ARG2: variants seen among roughly 807,000 people sequenced by gnomAD.
ARG2 encodes the protein arginase 2.
In ARG2, 21 loss-of-function variants were observed where a neutral mutation model predicts 39.4. That is an observed-to-expected ratio of 0.53 (90% confidence interval 0.38 to 0.77). ARG2 has a LOEUF of 0.77. Ranked by LOEUF, ARG2 falls within the 30% of genes least tolerant of loss-of-function variation. ARG2 has a pLI of 0.00. For synonymous variants in ARG2, 150 were observed against 156.7 expected, an observed-to-expected ratio of 0.96 and a Z score of 0.32; for missense variants, 378 against 426.2, an observed-to-expected ratio of 0.89 and a Z score of 1.00.
At position 67,651,322 on chromosome 14, in the gene ARG2, A is replaced by T. The variant is rs769859693; in HGVS notation, c.*402A>T. ...GCAGCAATATGCTTATTCTATCCAC[A>T]TCCCTAACATCATGCATTCACAAGG... is the stretch of plus-strand genomic sequence containing the variant. On this transcript the variant is annotated 3_prime_UTR_variant, in exon 8 of 8. Coordinates refer to ENST00000261783, the MANE Select transcript of ARG2 (RefSeq NM_001172.4). 5.6e-6 allele frequency: 9 copies of T among 1,610,484 alleles called. No individual in the cohort carries two copies. Among genetic ancestry groups the T allele is most frequent in the Non-Finnish European group, 7.6e-6 (9 of 1,177,946 alleles).
At chr14:67,648,227 A>G in intron 7 of ARG2, 44 bp downstream of exon 7, 1 of 1,583,764 alleles carries the variant, frequency 6.3e-7, no homozygotes, top group Non-Finnish European at 8.6e-7. Context: ...ACATAGGTAA[A>G]TATGCTAGAG....
intron 2 of ARG2, among the ~76,000 whole-genome samples, chr14:67,622,249 T>C (rs1165647807): frequency 2.6e-5 from 4 of 152,236 alleles, no homozygotes; most frequent in Non-Finnish European, 5.9e-5. Flanking sequence ...GCACGGAGAT[T>C]ATGGAGATAA....
chr14:67,627,442 C>A (rs2036878897), intron 2 of ARG2, among the ~76,000 whole-genome samples: 1 of 151,842 alleles, frequency 6.6e-6, no homozygotes, highest in Admixed American at 6.6e-5. Context: ...TGATAGATAT[C>A]CATCTTTTCA....
At chr14:67,625,859 CA>C (rs974464469) in intron 2 of ARG2, among the ~76,000 whole-genome samples, 6 of 151,798 alleles carry the variant, frequency 4.0e-5, no homozygotes. Context: ...CGTAAAAAGA[CA>C]ACCAAATTTA....
intron 6 of ARG2, chr14:67,647,775 C>T: frequency 2.6e-6 from 1 of 391,688 alleles, no homozygotes; most frequent in Non-Finnish European, 4.6e-6. Flanking sequence ...GTTCTAATAC[C>T]CAGTGTAAGG....
In ARG2 at chr14:67,620,134, T is replaced by G; in HGVS notation, c.111+46T>G. ...CCGCCGGGCAGGATCCTCCGCCCCC[T>G]AGAACCTGGAGACAGCGGCGGTAGG... On this transcript the variant is annotated intron_variant, in intron 1 of 7. Coordinates refer to ENST00000261783, the MANE Select transcript of ARG2 (RefSeq NM_001172.4). The G allele has an allele frequency of 2.1e-6, 3 of 1,398,174 alleles. No individual in the cohort carries two copies. In the Admixed American group the frequency reaches 6.5e-5, roughly 30 times the overall value. 86.6% of individuals were successfully genotyped at this position (1,398,174 alleles called of 1,614,324 possible). A position where few individuals can be genotyped will look rare whatever the true frequency, so the allele number is the denominator to read the frequency against.
intron 2 of ARG2, among the ~76,000 whole-genome samples, chr14:67,622,644 A>G (rs780847403): frequency 6.6e-6 from 1 of 152,240 alleles, no homozygotes; most frequent in Non-Finnish European, 1.5e-5. Context: ...GTCTCTTAAA[A>G]TAGCTTGTAC....
At chr14:67,645,531 AG>A (rs1439624617) in intron 3 of ARG2, 111 bp from the exon 4 acceptor site, 3 of 1,216,812 alleles carry the variant, frequency 2.5e-6, no homozygotes, top group African/African-American at 3.1e-5. Context: ...GTCTCCATCT[AG>A]GCCCTGGCTT....
Position 67,651,674 on chromosome 14 carries a change from G to C in ARG2, c.*754G>C. 1 of 444,276 alleles carries C rather than the reference G, an allele frequency of 2.3e-6. No individual in the cohort carries two copies. The highest frequency in any genetic ancestry group is 3.9e-6 in the Non-Finnish European group (1 of 257,496). 27.5% of individuals were successfully genotyped at this position (444,276 alleles called of 1,614,324 possible). On this transcript the variant is annotated 3_prime_UTR_variant, in exon 8 of 8. Coordinates refer to ENST00000261783, the MANE Select transcript of ARG2 (RefSeq NM_001172.4). ...ATAACACTGTCTACCTCACAGAAAT[G>C]TTAAACTGAGACAATAAAAACCAAA...
chr14:67,632,922 A>G (rs548464989), intron 2 of ARG2, among the ~76,000 whole-genome samples: 43 of 138,384 alleles, frequency 3.1e-4, no homozygotes, highest in African/African-American at 1.1e-3. Context: ...CCGGGTTCAC[A>G]CCATTCTCCT....
At chr14:67,632,851 C>G (rs4350504) in intron 2 of ARG2, among the ~76,000 whole-genome samples, 18 of 114,250 alleles carry the variant, frequency 1.6e-4, no homozygotes, top group Non-Finnish European at 3.0e-4. Context: ...GGCAGAGTCT[C>G]GCTCTATCGC....
intron 2 of ARG2, among the ~76,000 whole-genome samples, chr14:67,635,121 G>C (rs760841640): frequency 6.6e-6 from 1 of 152,160 alleles, no homozygotes; most frequent in Non-Finnish European, 1.5e-5. Context: ...GCGCATGCCT[G>C]TAGTCCCAGC....
At chr14:67,647,063 T>C (rs199907124) in intron 6 of ARG2, 38 bp downstream of exon 6, 95 of 1,273,464 alleles carry the variant, frequency 7.5e-5, no homozygotes, top group Non-Finnish European at 1.0e-4. Flanking sequence ...AAACCCCCAA[T>C]GGGCAACACA....
rs989380626 is a variant in ARG2 at position 67,620,986 on chromosome 14, G to T, written c.184+20G>T. 6.2e-7 allele frequency: 1 copy of T among 1,611,052 alleles called. No homozygotes were observed. Among genetic ancestry groups the T allele is most frequent in the African/African-American group, 1.3e-5 (1 of 74,886 alleles). ...GTTTGGGTAAGTGGTTAGATTTTTA[G>T]ATATTAGTGCAGGACTAGTAATAGA... is the stretch of plus-strand genomic sequence containing the variant. On this transcript the variant is annotated intron_variant, in intron 2 of 7. Coordinates refer to ENST00000261783, the MANE Select transcript of ARG2 (RefSeq NM_001172.4).
At chr14:67,623,678 A>T (rs536223514) in intron 2 of ARG2, among the ~76,000 whole-genome samples, 1 of 151,180 alleles carries the variant, frequency 6.6e-6, no homozygotes, top group East Asian at 2.0e-4. Context: ...AGTAGCTGGG[A>T]TTACAGGTGC....
chr14:67,621,131 A>G (rs2036806145), intron 2 of ARG2, among the ~76,000 whole-genome samples, 165 bp downstream of exon 2: 1 of 152,206 alleles, frequency 6.6e-6, no homozygotes, highest in Non-Finnish European at 1.5e-5. Flanking sequence ...AGGAGTCATC[A>G]GGGAAAGTCT....
intron 2 of ARG2, among the ~76,000 whole-genome samples, chr14:67,622,396 T>C (rs2036819975): frequency 6.6e-6 from 1 of 152,198 alleles, no homozygotes; most frequent in Non-Finnish European, 1.5e-5. Flanking sequence ...TGAGTTGAGG[T>C]GTCCTTCATA....
At chr14:67,647,494 C>T (rs1188444237) in intron 6 of ARG2, 1 of 157,138 alleles carries the variant, frequency 6.4e-6, no homozygotes, top group Non-Finnish European at 1.4e-5. Flanking sequence ...TATGTCATTT[C>T]ATAAGCTGTT....
intron 4 of ARG2, among the ~76,000 whole-genome samples, chr14:67,646,066 A>C (rs7151205): frequency 0.13 from 19,461 of 152,266 alleles, 1,300 homozygotes; most frequent in East Asian, 0.22. Flanking sequence ...TCTTGGTTAG[A>C]GGCTCCCAGG....
Sources: gnomAD v4.1 joint callset for allele counts (sites outside exome capture counted in the v4.1 genomes callset) on GRCh38, gnomAD v4.1.1 for gene constraint, MANE v1.5 for transcripts, NCBI Gene and HGNC (gene_info 2026-07-23, HGNC 2026-07-21) for gene names.